ABCD2: variants seen among roughly 807,000 people sequenced by gnomAD.
The protein encoded by ABCD2 is ATP-binding cassette sub-family D member 2.
Under a neutral mutation model 70.9 loss-of-function variants are expected in ABCD2, and 36 were observed. The ratio of observed to expected loss-of-function variants is 0.51; its 90% confidence interval spans 0.39 to 0.67. The LOEUF is 0.67. Among genes scored for constraint, ABCD2 ranks in the 30% least tolerant of loss-of-function variants. The pLI is 0.00. For missense variants in ABCD2, 729 were observed against 890.2 expected (o/e 0.82, Z 2.30); for synonymous variants, 304 against 306.9 (o/e 0.99, Z 0.10).
At chr12:39,582,104 G>A (rs934687553) in intron 7 of ABCD2, among the ~76,000 whole-genome samples, 3 of 152,100 alleles carry the variant, frequency 2.0e-5, no homozygotes, top group African/African-American at 7.2e-5. Flanking sequence ...GTGTTTTCCT[G>A]CCTTGCTTAA....
intron 9 of ABCD2, among the ~76,000 whole-genome samples, chr12:39,563,139 C>T (rs929282150): frequency 2.0e-5 from 3 of 152,120 alleles, no homozygotes; most frequent in Non-Finnish European, 2.9e-5. Flanking sequence ...ACTCAACAAA[C>T]TAAGCATAGG....
chr12:39,582,357 A>G (rs954205771), intron 7 of ABCD2, among the ~76,000 whole-genome samples: 2 of 152,222 alleles, frequency 1.3e-5, no homozygotes, highest in African/African-American at 4.8e-5. Flanking sequence ...AGATGAAGAT[A>G]GTAAAACCTA....
In ABCD2 at chr12:39,550,378, T is replaced by C. The variant is rs1941070705; in HGVS notation, c.*3534A>G. ...TACACATCAGATGGAAATTATATTATAATGTACTCACACACAGCCACAATT... is the reference window on the plus strand; with the variant it reads ...TACACATCAGATGGAAATTATATTACAATGTACTCACACACAGCCACAATT... On this transcript the variant is annotated 3_prime_UTR_variant, in exon 10 of 10. Transcript: ENST00000308666. The C allele has an allele frequency of 1.3e-5, 2 of 151,740 alleles. No homozygotes were observed. The highest frequency in any genetic ancestry group is 6.6e-5 in the Admixed American group (1 of 15,206). 9.4% of individuals were successfully genotyped at this position (151,740 alleles called of 1,614,324 possible). A position where few individuals can be genotyped will look rare whatever the true frequency, so the allele number is the denominator to read the frequency against.
chr12:39,565,947 G>A (rs1329399844), intron 9 of ABCD2, among the ~76,000 whole-genome samples: 3 of 152,162 alleles, frequency 2.0e-5, no homozygotes, highest in Non-Finnish European at 4.4e-5. Flanking sequence ...ATTTGCATAT[G>A]TTGAACCAGC....
chr12:39,542,547 CAG>C, the ABCD2 span, among the ~76,000 whole-genome samples: 27 of 151,686 alleles, frequency 1.8e-4, no homozygotes, highest in African/African-American at 6.0e-4. Context: ...TAGTCCAGGT[CAG>C]AGAAAACAGT....
intron 1 of ABCD2, 107 bp downstream of exon 1, chr12:39,618,569 AG>A: frequency 1.1e-6 from 1 of 935,332 alleles, no homozygotes; most frequent in Non-Finnish European, 1.6e-6. Flanking sequence ...GAGGAATCTA[AG>A]ACACTAAAGA....
At chr12:39,596,953 A>G (rs1304866530) in intron 6 of ABCD2, among the ~76,000 whole-genome samples, 1 of 152,134 alleles carries the variant, frequency 6.6e-6, no homozygotes, top group Non-Finnish European at 1.5e-5. Flanking sequence ...CTAACACAAT[A>G]CAAATACTAT....
chr12:39,573,739 A>G lies in ABCD2; in HGVS notation c.1980T>C (p.Ser660=). ...ACCAAAGAGAAGGTCTGTGTGTTAT[A>G]GACAGTAAGGAAATTCCAGCCCCTT... The part of the protein sequence containing the change: ...AAKGAGISLL[S]ITHRPSLWKY... The change falls in exon 9 of 10, where the codon TCT becomes TCC. Residue 660 remains serine, a synonymous_variant. Transcript: ENST00000308666. 1 of 1,613,314 alleles carries G rather than the reference A, an allele frequency of 6.2e-7. No homozygotes were observed. The highest frequency in any genetic ancestry group is 8.5e-7 in the Non-Finnish European group (1 of 1,179,386).
chr12:39,599,800 C>T (rs936602283), intron 6 of ABCD2, among the ~76,000 whole-genome samples: 3 of 152,140 alleles, frequency 2.0e-5, no homozygotes, highest in Non-Finnish European at 2.9e-5. Flanking sequence ...CCAGCCTAGG[C>T]GCTTGTTAGA....
rs535924163 is a variant in ABCD2, at chr12:39,601,729, G to T, written c.1501-1013C>A. ...ACCAATATTCAAGTATCAATAATGT[G>T]GAATACATCATACTGGACCTCAAAG... On this transcript the variant is annotated intron_variant, in intron 5 of 9. Coordinates refer to ENST00000308666, the MANE Select transcript of ABCD2 (RefSeq NM_005164.4). Among the ~76,000 whole-genome samples, 7 of 152,054 alleles carry T rather than the reference G, an allele frequency of 4.6e-5. No homozygotes were observed. In the South Asian group the frequency reaches 1.5e-3, roughly 32 times the overall value.
chr12:39,617,951 A>G (rs1942139621), intron 1 of ABCD2, among the ~76,000 whole-genome samples: 1 of 152,052 alleles, frequency 6.6e-6, no homozygotes, highest in Non-Finnish European at 1.5e-5. Context: ...GGATCTGCTT[A>G]ATGTTGAAAA....
At chr12:39,543,069 A>G in the ABCD2 span, among the ~76,000 whole-genome samples, 21 of 152,370 alleles carry the variant, frequency 1.4e-4, no homozygotes, top group African/African-American at 5.0e-4. Flanking sequence ...GAAGAGAACC[A>G]GTGATTAGGA....
At chr12:39,557,189 G>A (rs57847223) in intron 9 of ABCD2, among the ~76,000 whole-genome samples, 15,413 of 152,158 alleles carry the variant, frequency 0.1, 798 homozygotes, top group East Asian at 0.16. Context: ...AGATGAAGAT[G>A]AGAATCTTCT....
At chr12:39,615,381 T>G (rs1942101995) in intron 2 of ABCD2, among the ~76,000 whole-genome samples, 1 of 152,040 alleles carries the variant, frequency 6.6e-6, no homozygotes, top group Admixed American at 6.6e-5. Flanking sequence ...GTAAAACTAA[T>G]ATTAACACCA....
chr12:39,546,382 A>G (rs1941025546), downstream of ABCD2, among the ~76,000 whole-genome samples: 1 of 152,144 alleles, frequency 6.6e-6, no homozygotes, highest in Admixed American at 6.6e-5. Flanking sequence ...CCTATCTGCC[A>G]TGTATTGTTC....
intron 8 of ABCD2, among the ~76,000 whole-genome samples, chr12:39,577,373 G>T (rs1941533604): frequency 6.6e-6 from 1 of 152,160 alleles, no homozygotes; most frequent in Admixed American, 6.5e-5. Context: ...AAAAATGGGA[G>T]ATTGGGGAAC....
rs114028875 is a variant in ABCD2 at position 39,554,239 on chromosome 12, C to T, written c.2004-108G>A. ...CCCAAAGGCAAATTTTAAGTAGGTG[C>T]TATTTTACATTTGAGTTTTAAGGAC... On this transcript the variant is annotated intron_variant, in intron 9 of 9. Coordinates refer to ENST00000308666, the MANE Select transcript of ABCD2 (RefSeq NM_005164.4). The T allele has an allele frequency of 4.1e-4, 428 of 1,047,180 alleles. No homozygotes were observed. The African/African-American group carries it at 6.3e-3, about 15-fold the overall frequency. 64.9% of individuals were successfully genotyped at this position (1,047,180 alleles called of 1,614,324 possible).
At chr12:39,537,905 A>G in the ABCD2 span, among the ~76,000 whole-genome samples, 2 of 152,238 alleles carry the variant, frequency 1.3e-5, no homozygotes, top group African/African-American at 4.8e-5. Flanking sequence ...ATAAGAAAGT[A>G]AGTAAAAAAT....
At chr12:39,603,866 A>G (rs781360092) in intron 5 of ABCD2, 46 bp downstream of exon 5, 2 of 1,383,136 alleles carry the variant, frequency 1.4e-6, no homozygotes, top group East Asian at 2.3e-5. Context: ...GTTGTTTTGT[A>G]TTAGTGTGAT....
Sources: gnomAD v4.1 joint callset for allele counts (sites outside exome capture counted in the v4.1 genomes callset) on GRCh38, gnomAD v4.1.1 for gene constraint, MANE v1.5 for transcripts, NCBI Gene and HGNC (gene_info 2026-07-23, HGNC 2026-07-21) for gene names.